Variants in LRRC72 observed in about 807,000 individuals in gnomAD.
LRRC72 encodes leucine rich repeat containing 72.
In LRRC72, 41 loss-of-function variants were observed where a neutral mutation model predicts 35.8. The observed-to-expected ratio is 1.15, with a 90% CI of 0.89 to 1.49. The LOEUF is 1.49. LRRC72 is among the 40% of genes most tolerant of loss of function. The pLI, the probability that LRRC72 is intolerant of heterozygous loss-of-function variation, is 0.00. For synonymous variants in LRRC72, 118 were observed against 119.2 expected (o/e 0.99, Z 0.07); for missense variants, 389 against 330.7 (o/e 1.18, Z -1.37).
Position 16,566,497 on chromosome 7 carries a change from G to C in LRRC72, c.517+95G>C, listed in dbSNP as rs1045925670. ...AGACTACCTTTGAAAATATGTCTTTGTAAAAAATATATCTTTGAATAATTG... is the reference window on the plus strand; with the variant it reads ...AGACTACCTTTGAAAATATGTCTTTCTAAAAAATATATCTTTGAATAATTG... On this transcript the variant is annotated intron_variant, in intron 6 of 8. Transcript: ENST00000401542. 3 of 634,662 alleles carry C rather than the reference G, an allele frequency of 4.7e-6. No homozygotes were observed. The African/African-American group carries it at 5.7e-5, about 12-fold the overall frequency. The allele number at this position is 634,662 out of a possible 1,614,324, so 39.3% of individuals were successfully genotyped here.
intron 4 of LRRC72, 108 bp from the exon 5 acceptor site, chr7:16,558,781 T>G: frequency 2.2e-6 from 1 of 464,882 alleles, no homozygotes; most frequent in Non-Finnish European, 3.6e-6. Context: ...TGTTTTCCTT[T>G]TTAGTTAGCA....
chr7:16,557,416 C>A lies in LRRC72; in HGVS notation c.291C>A (p.Asn97Lys). ...RNYCLTELYL[N>K]NNAIFEIEGL... is the part of the protein sequence containing the mutation. ...ATTGTCTGACAGAACTATATCTAAA[C>A]AACAATGCAATATTTGAGATAGAAG... Residue 97 changes from asparagine (N) to lysine (K), a missense_variant, in exon 4 of 9, where the codon AAC becomes AAA. Asn to Lys is a moderately conservative substitution (Grantham distance 94). Coordinates refer to ENST00000401542, the MANE Select transcript of LRRC72 (RefSeq NM_001195280.2). 1 of 1,309,588 alleles carries A rather than the reference C, an allele frequency of 7.6e-7. No homozygotes were observed. Among genetic ancestry groups the A allele is most frequent in the Non-Finnish European group, 1.0e-6 (1 of 998,440 alleles). The allele number at this position is 1,309,588 out of a possible 1,614,324, so 81.1% of individuals were successfully genotyped here. A position where few individuals can be genotyped will look rare whatever the true frequency, so the allele number is the denominator to read the frequency against.
At chr7:16,544,148 C>G (rs918965106) in intron 3 of LRRC72, among the ~76,000 whole-genome samples, 3 of 152,144 alleles carry the variant, frequency 2.0e-5, no homozygotes, top group Admixed American at 6.5e-5. Flanking sequence ...TGAGACAACA[C>G]AGTTGTCTTT....
chr7:16,560,930 T>C (rs1782734691), intron 5 of LRRC72, among the ~76,000 whole-genome samples: 1 of 152,194 alleles, frequency 6.6e-6, no homozygotes, highest in Non-Finnish European at 1.5e-5. Flanking sequence ...TATAGTCGCA[T>C]TTAAATCTTT....
At chr7:16,539,654 C>T (rs1782321389) in intron 3 of LRRC72, among the ~76,000 whole-genome samples, 1 of 152,256 alleles carries the variant, frequency 6.6e-6, no homozygotes, top group African/African-American at 2.4e-5. Context: ...CATCAAAGGC[C>T]CAGGGCCCCG....
At chr7:16,555,279 T>A (rs1221842011) in intron 3 of LRRC72, among the ~76,000 whole-genome samples, 1 of 152,198 alleles carries the variant, frequency 6.6e-6, no homozygotes, top group Non-Finnish European at 1.5e-5. Flanking sequence ...TTTGTGAATG[T>A]TGCCAATATA....
At chr7:16,555,083 A>G (rs1008778374) in intron 3 of LRRC72, among the ~76,000 whole-genome samples, 15 of 152,198 alleles carry the variant, frequency 9.9e-5, no homozygotes, top group South Asian at 8.3e-4. Context: ...GCCAACAGGG[A>G]CACTCACCTT....
intron 8 of LRRC72, among the ~76,000 whole-genome samples, chr7:16,581,022 C>A (rs1414586471): frequency 6.6e-6 from 1 of 152,058 alleles, no homozygotes; most frequent in African/African-American, 2.4e-5. Context: ...AATATTTTAA[C>A]CATCTCATTT....
chr7:16,571,314 C>T (rs1021971546), intron 7 of LRRC72, among the ~76,000 whole-genome samples: 1 of 152,204 alleles, frequency 6.6e-6, no homozygotes, highest in African/African-American at 2.4e-5. Flanking sequence ...TTATACCCCC[C>T]TCCCTTTTGG....
At chr7:16,568,740 C>T (rs987565405) in intron 7 of LRRC72, among the ~76,000 whole-genome samples, 1 of 152,096 alleles carries the variant, frequency 6.6e-6, no homozygotes, top group African/African-American at 2.4e-5. Context: ...AGAGTCTTCA[C>T]CAAAGGCAAA....
At chr7:16,532,902 T>C (rs1782193341) in intron 2 of LRRC72, 2 of 324,808 alleles carry the variant, frequency 6.2e-6, no homozygotes, top group South Asian at 3.1e-5. Context: ...TTGAATTTCA[T>C]AGAAACAACG....
At chr7:16,574,042 C>G (rs980358698) in intron 7 of LRRC72, among the ~76,000 whole-genome samples, 3 of 151,752 alleles carry the variant, frequency 2.0e-5, no homozygotes, top group Non-Finnish European at 2.9e-5. Context: ...AACAAACATA[C>G]GAAAAAAAGC....
intron 1 of LRRC72, among the ~76,000 whole-genome samples, chr7:16,530,950 A>G (rs1456647960): frequency 6.6e-6 from 1 of 152,114 alleles, no homozygotes; most frequent in Admixed American, 6.5e-5. Flanking sequence ...TAATCCTAGC[A>G]CTTTGGGAGG....
chr7:16,556,949 T>C (rs1043017294), intron 3 of LRRC72, among the ~76,000 whole-genome samples: 8 of 152,134 alleles, frequency 5.3e-5, no homozygotes, highest in African/African-American at 1.7e-4. Context: ...AGAAATGGCC[T>C]CGGCATAATC....
rs1469171244 is a variant in LRRC72 at position 16,566,358 on chromosome 7, A to G, written c.473A>G (p.Tyr158Cys). The change falls in exon 6 of 9, where the codon TAT becomes TGT. Residue 158 changes from tyrosine to cysteine, a missense_variant. By Grantham distance (194) the Tyr-to-Cys change is radical (BLOSUM62 -2). Transcript: ENST00000401542. ...TGCCAATATAACCTGTATCGTTTATATATCATCTACCACCTTCCAGGAGTG... is the reference window on the plus strand; with the variant it reads ...TGCCAATATAACCTGTATCGTTTATGTATCATCTACCACCTTCCAGGAGTG... ...PLCQYNLYRLYIIYHLPGVEL... is the reference protein window; with the variant it reads ...PLCQYNLYRLCIIYHLPGVEL... 1 of 1,547,614 alleles carries G rather than the reference A, an allele frequency of 6.5e-7. No individual in the cohort carries two copies. The highest frequency in any genetic ancestry group is 1.4e-5 in the African/African-American group (1 of 73,076).
intron 5 of LRRC72, 24 bp downstream of exon 5, chr7:16,559,023 G>C: frequency 4.4e-6 from 6 of 1,358,718 alleles, no homozygotes; most frequent in Non-Finnish European, 6.1e-6. Context: ...ATTTTATATG[G>C]CCATAAGTTA....
chr7:16,538,739 C>G (rs1782306749), intron 3 of LRRC72, among the ~76,000 whole-genome samples: 1 of 152,192 alleles, frequency 6.6e-6, no homozygotes, highest in Non-Finnish European at 1.5e-5. Context: ...CCATGTTGTT[C>G]TCATGATAGT....
At chr7:16,554,382 G>A (rs1176171853) in intron 3 of LRRC72, among the ~76,000 whole-genome samples, 1 of 152,080 alleles carries the variant, frequency 6.6e-6, no homozygotes, top group Non-Finnish European at 1.5e-5. Context: ...CTGAGTATCA[G>A]GACAATAGCA....
At chr7:16,529,349 G>A (rs1782124662) in intron 1 of LRRC72, among the ~76,000 whole-genome samples, 1 of 152,152 alleles carries the variant, frequency 6.6e-6, no homozygotes, top group South Asian at 2.1e-4. Context: ...ACTGTCGGTT[G>A]TGCCCTGAAA....
Sources: gnomAD v4.1 joint callset for allele counts (sites outside exome capture counted in the v4.1 genomes callset) on GRCh38, gnomAD v4.1.1 for gene constraint, MANE v1.5 for transcripts, NCBI Gene and HGNC (gene_info 2026-07-23, HGNC 2026-07-21) for gene names.